Variants in CELF2 observed in about 807,000 individuals in gnomAD.
CELF2 encodes CUG triplet repeat RNA-binding protein 2.
In CELF2, 8 loss-of-function variants were observed where a neutral mutation model predicts 62.6. That is an observed-to-expected ratio of 0.13 (90% CI 0.07 to 0.23). CELF2 has a LOEUF of 0.23. Ranked by LOEUF, CELF2 falls within the 10% of genes least tolerant of loss-of-function variation. CELF2 has a pLI of 1.00. For synonymous variants in CELF2, 258 were observed against 250.0 expected, an observed-to-expected ratio of 1.03 and a Z score of -0.30; for missense variants, 333 against 671.0, an observed-to-expected ratio of 0.50 and a Z score of 5.56.
chr10:10,991,967 T>C (rs2053487813), intron 2 of CELF2, among the ~76,000 whole-genome samples: 1 of 152,216 alleles, frequency 6.6e-6, no homozygotes, highest in African/African-American at 2.4e-5. Flanking sequence ...TACGCTATTA[T>C]GCAACAAACA....
intron 2 of CELF2, among the ~76,000 whole-genome samples, chr10:11,205,084 CTATT>C (rs1413670231): frequency 6.6e-6 from 1 of 152,188 alleles, no homozygotes; most frequent in Non-Finnish European, 1.5e-5. Flanking sequence ...AATTGATTGA[CTATT>C]TAGAGGTCAC....
At chr10:10,973,280 CAAAA>C (rs113845189) in intron 2 of CELF2, among the ~76,000 whole-genome samples, 1 of 151,176 alleles carries the variant, frequency 6.6e-6, no homozygotes, top group Non-Finnish European at 1.5e-5. Flanking sequence ...GACTCTGTCT[CAAAA>C]AAACAAAACA....
chr10:10,710,909 C>T, the CELF2 span, among the ~76,000 whole-genome samples: 1 of 152,162 alleles, frequency 6.6e-6, no homozygotes, highest in Non-Finnish European at 1.5e-5. Context: ...GTACTCTCAA[C>T]CCATTTTAAA....
At chr10:10,919,069 G>A (rs760890572) in intron 1 of CELF2, among the ~76,000 whole-genome samples, 24 of 152,190 alleles carry the variant, frequency 1.6e-4, no homozygotes, top group Middle Eastern at 6.8e-3. Flanking sequence ...TCAGGAGGTC[G>A]AGACTAGCCT....
At chr10:10,684,696 A>AT in the CELF2 span, among the ~76,000 whole-genome samples, 3 of 152,166 alleles carry the variant, frequency 2.0e-5, no homozygotes, top group African/African-American at 7.2e-5. Flanking sequence ...GTGAGTCGAG[A>AT]TTACATGACT....
At chr10:10,827,619 C>A (rs751330104) in intron 1 of CELF2, among the ~76,000 whole-genome samples, 1 of 152,150 alleles carries the variant, frequency 6.6e-6, no homozygotes, top group Non-Finnish European at 1.5e-5. Flanking sequence ...TATTCATATT[C>A]CCTAACGTGT....
At chr10:11,153,866 A>G (rs1026965269) in intron 1 of CELF2, among the ~76,000 whole-genome samples, 5 of 152,198 alleles carry the variant, frequency 3.3e-5, no homozygotes, top group African/African-American at 9.6e-5. Context: ...GGTATCGAGG[A>G]ACCTGTGCTC....
chr10:10,503,362 A>C, the CELF2 span, among the ~76,000 whole-genome samples: 2 of 151,630 alleles, frequency 1.3e-5, no homozygotes, highest in African/African-American at 2.4e-5. Flanking sequence ...TTTTTCTACT[A>C]TTTTTCAGTT....
chr10:11,111,555 T>G (rs1215350370), intron 1 of CELF2, among the ~76,000 whole-genome samples: 3 of 152,240 alleles, frequency 2.0e-5, no homozygotes, highest in African/African-American at 7.2e-5. Context: ...TGTTTCTTTT[T>G]TTTTCCCTAA....
the CELF2 span, among the ~76,000 whole-genome samples, chr10:10,647,514 A>G: frequency 6.6e-6 from 1 of 152,218 alleles, no homozygotes; most frequent in East Asian, 1.9e-4. Flanking sequence ...GCTCTTGCTT[A>G]ATAAGGACTT....
At chr10:10,475,413 G>A in the CELF2 span, among the ~76,000 whole-genome samples, 1 of 151,364 alleles carries the variant, frequency 6.6e-6, no homozygotes. Flanking sequence ...AACTGGTGAA[G>A]GTACTGACTT....
chr10:11,048,837 C>T (rs1200692690), intron 1 of CELF2, among the ~76,000 whole-genome samples: 2 of 152,166 alleles, frequency 1.3e-5, no homozygotes, highest in Non-Finnish European at 2.9e-5. Flanking sequence ...TGTGTGTGCA[C>T]ATAAGTGCAT....
chr10:10,700,386 A>G, the CELF2 span, among the ~76,000 whole-genome samples: 20 of 152,360 alleles, frequency 1.3e-4, no homozygotes, highest in South Asian at 4.1e-4. Context: ...AGGATGCGCC[A>G]TACCAAAATA....
chr10:11,079,895 C>T lies in CELF2; in HGVS notation c.74+61732C>T, dbSNP rs138354608. Among the ~76,000 whole-genome samples, 432 of 152,228 alleles carry T rather than the reference C, an allele frequency of 2.8e-3. 1 individual carries two copies. The highest frequency in any genetic ancestry group is 9.8e-3 in the African/African-American group (408 of 41,550). The stretch of plus-strand genomic sequence containing the variant: ...CACAGTAGAGTGCAAACAGCAATAG[C>T]AAGATGCACTGTACTGCAAGATGAC... On this transcript the variant is annotated intron_variant, in intron 1 of 12. Coordinates refer to ENST00000633077, the MANE Select transcript of CELF2 (RefSeq NM_001326342.2).
the CELF2 span, among the ~76,000 whole-genome samples, chr10:10,610,007 T>G: frequency 2.0e-5 from 3 of 152,224 alleles, no homozygotes; most frequent in Non-Finnish European, 4.4e-5. Flanking sequence ...TGAGGCCCAT[T>G]CTAAATGTAA....
At chr10:10,564,718 C>T in the CELF2 span, among the ~76,000 whole-genome samples, 5 of 149,074 alleles carry the variant, frequency 3.4e-5, no homozygotes, top group African/African-American at 7.6e-5. Context: ...ACTTTCTCCA[C>T]GAAGAAAAGC....
chr10:10,487,084 A>C, the CELF2 span, among the ~76,000 whole-genome samples: 1 of 152,182 alleles, frequency 6.6e-6, no homozygotes, highest in Non-Finnish European at 1.5e-5. Context: ...ACAAGTAGAC[A>C]TGTTTCAGAA....
chr10:11,168,451 C>T (rs533308911), intron 2 of CELF2, among the ~76,000 whole-genome samples: 86 of 152,216 alleles, frequency 5.6e-4, no homozygotes, highest in Non-Finnish European at 1.0e-3. Context: ...CAACAGCCCC[C>T]ACTTTATTCA....
chr10:11,096,751 A>G (rs1564722456), intron 1 of CELF2, among the ~76,000 whole-genome samples: 1 of 152,236 alleles, frequency 6.6e-6, no homozygotes, highest in Non-Finnish European at 1.5e-5. Context: ...TTAGGAAGCA[A>G]CAAGTCACTC....
Sources: gnomAD v4.1 joint callset for allele counts (sites outside exome capture counted in the v4.1 genomes callset) on GRCh38, gnomAD v4.1.1 for gene constraint, MANE v1.5 for transcripts, NCBI Gene and HGNC (gene_info 2026-07-23, HGNC 2026-07-21) for gene names.